CPQ: variants seen among roughly 807,000 people sequenced by gnomAD.
CPQ encodes Ser-Met dipeptidase.
A neutral mutation model predicts 45.7 loss-of-function variants in CPQ; 37 were observed. That is an observed-to-expected ratio of 0.81 (90% CI 0.62 to 1.07). The LOEUF (loss-of-function observed/expected upper bound fraction) is 1.07, where lower values mean the gene tolerates loss of function less well. CPQ is among the 50% of genes least tolerant of loss of function. The pLI, the probability that CPQ is intolerant of heterozygous loss-of-function variation, is 0.00. For missense variants in CPQ, 537 were observed against 572.9 expected, an observed-to-expected ratio of 0.94 and a Z score of 0.64; for synonymous variants, 186 against 205.8, an observed-to-expected ratio of 0.90 and a Z score of 0.82.
At chr8:96,938,745 T>G (rs1813086416) in intron 4 of CPQ, among the ~76,000 whole-genome samples, 1 of 152,136 alleles carries the variant, frequency 6.6e-6, no homozygotes, top group Non-Finnish European at 1.5e-5. Context: ...AACCTATTGA[T>G]GTAGTCCATA....
intron 7 of CPQ, among the ~76,000 whole-genome samples, chr8:97,078,536 C>T (rs1165899155): frequency 5.3e-5 from 8 of 152,092 alleles, no homozygotes; most frequent in African/African-American, 1.7e-4. Flanking sequence ...TTTCCCCTGC[C>T]TACAATCCTG....
intron 4 of CPQ, among the ~76,000 whole-genome samples, chr8:96,960,078 G>T (rs1394863378): frequency 3.3e-5 from 5 of 152,024 alleles, no homozygotes; most frequent in Admixed American, 3.3e-4. Flanking sequence ...TTTAATGAAG[G>T]GAGTTAAAAG....
chr8:97,082,747 G>A (rs1348685233), intron 7 of CPQ, among the ~76,000 whole-genome samples: 1 of 152,068 alleles, frequency 6.6e-6, no homozygotes, highest in African/African-American at 2.4e-5. Flanking sequence ...CAAGCTCCCA[G>A]CAATCTGCAT....
intron 3 of CPQ, among the ~76,000 whole-genome samples, chr8:96,842,264 G>A (rs1342560615): frequency 6.6e-6 from 1 of 152,074 alleles, no homozygotes; most frequent in Admixed American, 6.5e-5. Context: ...TGTCCTGGTG[G>A]TTTGGTTCTT....
At chr8:96,733,838 G>A (rs1341906765) in intron 1 of CPQ, among the ~76,000 whole-genome samples, 2 of 152,186 alleles carry the variant, frequency 1.3e-5, no homozygotes, top group African/African-American at 4.8e-5. Context: ...ATAGCTGAGT[G>A]TGGCTACCAT....
chr8:97,022,345 A>G (rs906179145), intron 5 of CPQ, among the ~76,000 whole-genome samples: 10 of 152,164 alleles, frequency 6.6e-5, no homozygotes, highest in Admixed American at 1.3e-4. Flanking sequence ...ATGATCAACA[A>G]CCCAAAAGTA....
chr8:97,050,604 T>C (rs929881383), intron 6 of CPQ, among the ~76,000 whole-genome samples: 5 of 152,108 alleles, frequency 3.3e-5, no homozygotes, highest in Admixed American at 2.0e-4. Flanking sequence ...GTGGTGCACA[T>C]CTGTAATCCC....
intron 7 of CPQ, among the ~76,000 whole-genome samples, chr8:97,076,038 T>A (rs1441699140): frequency 6.6e-6 from 1 of 152,192 alleles, no homozygotes; most frequent in Non-Finnish European, 1.5e-5. Context: ...TTGTTTTTTG[T>A]TTTTTGAGAT....
intron 1 of CPQ, among the ~76,000 whole-genome samples, chr8:96,778,024 G>C (rs1020830121): frequency 6.6e-6 from 1 of 150,402 alleles, no homozygotes; most frequent in Non-Finnish European, 1.5e-5. Flanking sequence ...CACCGTGCCC[G>C]GCCAGGAAAG....
At chr8:97,029,541 C>G in intron 6 of CPQ, 47 bp downstream of exon 6, 1 of 1,492,060 alleles carries the variant, frequency 6.7e-7, no homozygotes, top group Non-Finnish European at 9.2e-7. Context: ...ATGTAATATA[C>G]AAAAATCCCT....
intron 6 of CPQ, among the ~76,000 whole-genome samples, chr8:97,038,726 C>A (rs1481333223): frequency 1.4e-5 from 2 of 146,062 alleles, no homozygotes; most frequent in Admixed American, 1.4e-4. Context: ...GATTTTAGGA[C>A]TGCAGGTCAT....
At chr8:96,886,746 G>A (rs1024882249) in intron 4 of CPQ, among the ~76,000 whole-genome samples, 36 of 152,294 alleles carry the variant, frequency 2.4e-4, no homozygotes, top group African/African-American at 8.2e-4. Flanking sequence ...TGCCTTAGTT[G>A]AATGGTGTAT....
intron 6 of CPQ, among the ~76,000 whole-genome samples, chr8:97,045,713 G>T (rs1810243222): frequency 6.6e-6 from 1 of 152,200 alleles, no homozygotes; most frequent in Non-Finnish European, 1.5e-5. Context: ...AGGTCTTTGG[G>T]TATTCAGTAG....
chr8:97,077,424 G>A (rs1311403223), intron 7 of CPQ, among the ~76,000 whole-genome samples: 1 of 152,168 alleles, frequency 6.6e-6, no homozygotes, highest in East Asian at 1.9e-4. Flanking sequence ...GCAACAGGAG[G>A]TAGCTATGAA....
intron 4 of CPQ, among the ~76,000 whole-genome samples, chr8:96,901,810 A>G (rs1473405611): frequency 6.6e-6 from 1 of 152,208 alleles, no homozygotes; most frequent in Non-Finnish European, 1.5e-5. Context: ...TGGGATGCCA[A>G]GTGACATTGC....
At chr8:97,088,654 C>G (rs1811077596) in intron 7 of CPQ, among the ~76,000 whole-genome samples, 1 of 152,180 alleles carries the variant, frequency 6.6e-6, no homozygotes, top group Non-Finnish European at 1.5e-5. Flanking sequence ...CTTAGGAGCT[C>G]TGTTACCACA....
chr8:97,117,390 A>C (rs1424985256), intron 7 of CPQ, among the ~76,000 whole-genome samples: 1 of 152,210 alleles, frequency 6.6e-6, no homozygotes, highest in Non-Finnish European at 1.5e-5. Flanking sequence ...TGGTTTGAGC[A>C]CTGAAAAGTT....
intron 3 of CPQ, among the ~76,000 whole-genome samples, chr8:96,859,775 A>G (rs1201857083): frequency 4.6e-5 from 7 of 152,122 alleles, no homozygotes; most frequent in African/African-American, 7.2e-5. Flanking sequence ...CTTTCATTGC[A>G]TGATGTCTGT....
At chr8:97,037,616 C>G (rs1043279347) in intron 6 of CPQ, among the ~76,000 whole-genome samples, 4 of 152,054 alleles carry the variant, frequency 2.6e-5, no homozygotes, top group African/African-American at 9.7e-5. Context: ...TGGTCTGGAG[C>G]CTTTGTAGTT....
Sources: gnomAD v4.1 joint callset for allele counts (sites outside exome capture counted in the v4.1 genomes callset) on GRCh38, gnomAD v4.1.1 for gene constraint, MANE v1.5 for transcripts, NCBI Gene and HGNC (gene_info 2026-07-23, HGNC 2026-07-21) for gene names.